Variants in OLFM3 observed in about 807,000 individuals in gnomAD.
OLFM3 encodes the protein olfactomedin 3, also known as noelin-3.
In OLFM3, 20 loss-of-function variants were observed where a neutral mutation model predicts 48.6. The ratio of observed to expected loss-of-function variants is 0.41; its 90% CI spans 0.29 to 0.60. The LOEUF (loss-of-function observed/expected upper bound fraction) is 0.60, where lower values mean the gene tolerates loss of function less well. Ranked by LOEUF, OLFM3 falls within the 20% of genes least tolerant of loss-of-function variation. OLFM3 has a pLI of 0.28. For synonymous variants in OLFM3, 222 were observed against 198.1 expected, an observed-to-expected ratio of 1.12 and a Z score of -1.01; for missense variants, 437 against 544.3, an observed-to-expected ratio of 0.80 and a Z score of 1.96.
intron 1 of OLFM3, among the ~76,000 whole-genome samples, chr1:101,847,429 C>A (rs974749826): frequency 6.6e-6 from 1 of 151,254 alleles, no homozygotes; most frequent in African/African-American, 2.4e-5. Context: ...AACTTAATAT[C>A]TACAGATTTC....
chr1:101,979,219 C>G (rs1170245577), intron 1 of OLFM3, among the ~76,000 whole-genome samples: 1 of 152,138 alleles, frequency 6.6e-6, no homozygotes, highest in Non-Finnish European at 1.5e-5. Context: ...ACAGTCCCAC[C>G]TGCTGTCTAC....
intron 1 of OLFM3, among the ~76,000 whole-genome samples, chr1:101,946,364 C>T (rs1659964777): frequency 6.6e-6 from 1 of 152,168 alleles, no homozygotes; most frequent in Non-Finnish European, 1.5e-5. Context: ...AGATATGTGA[C>T]TTGAACAACA....
chr1:101,882,338 A>G (rs1406215626), intron 1 of OLFM3, among the ~76,000 whole-genome samples: 1 of 108,060 alleles, frequency 9.3e-6, no homozygotes, highest in Non-Finnish European at 2.2e-5. Context: ...TATAATATAT[A>G]TATATATATA....
At chr1:101,828,066 G>GTCTC (rs200924384) in intron 3 of OLFM3, among the ~76,000 whole-genome samples, 23,025 of 141,944 alleles carry the variant, frequency 0.16, 2,199 homozygotes, top group East Asian at 0.32. Context: ...CTCTCTCTCT[G>GTCTC]TCTCTCTCTC....
At chr1:101,972,128 T>G (rs1234083636) in intron 1 of OLFM3, among the ~76,000 whole-genome samples, 1 of 151,944 alleles carries the variant, frequency 6.6e-6, no homozygotes, top group Admixed American at 6.6e-5. Flanking sequence ...CTTTCAAGTC[T>G]TTGATGTTTG....
rs377226365 is a variant in OLFM3 at position 101,807,114 on chromosome 1, ATTTAT to A, written c.593-937_593-933del. On this transcript the variant is annotated intron_variant, in intron 4 of 5. Coordinates refer to ENST00000370103, the MANE Select transcript of OLFM3 (RefSeq NM_058170.4). Reference sequence around the variant, plus strand: ...CTTATTATGCTTATCTTTCTTTTTTATTTATTTTAAGTTCAACTTTTATTTTAGGG... The same window carrying A: ...CTTATTATGCTTATCTTTCTTTTTTATTTAAGTTCAACTTTTATTTTAGGG... 1.6e-3 allele frequency among the ~76,000 whole-genome samples: 242 copies of A among 151,720 alleles called. 3 individuals are homozygous for A. In the South Asian group the frequency reaches 0.039, roughly 24 times the overall value.
chr1:101,811,318 A>G (rs1187201370), intron 4 of OLFM3, among the ~76,000 whole-genome samples: 1 of 151,988 alleles, frequency 6.6e-6, no homozygotes, highest in Non-Finnish European at 1.5e-5. Flanking sequence ...AACATTTTAG[A>G]TGGCCAAACT....
chr1:101,996,711 C>T (rs1661569741), intron 1 of OLFM3, 37 bp downstream of exon 1: 1 of 1,602,822 alleles, frequency 6.2e-7, no homozygotes, highest in South Asian at 1.1e-5. Context: ...ACATATTGCA[C>T]ATTTATTTCA....
intron 4 of OLFM3, among the ~76,000 whole-genome samples, chr1:101,810,047 T>A (rs1348207592): frequency 6.6e-6 from 1 of 151,920 alleles, no homozygotes; most frequent in East Asian, 1.9e-4. Flanking sequence ...GTCCACGTTG[T>A]TAGAGAATTA....
At chr1:101,847,053 G>A (rs1656031690) in intron 1 of OLFM3, 1 of 1,521,994 alleles carries the variant, frequency 6.6e-7, no homozygotes, top group South Asian at 1.3e-5. Flanking sequence ...TGACTGCAGC[G>A]CGCCACATCT....
chr1:101,878,011 C>G (rs1657370638), intron 1 of OLFM3, among the ~76,000 whole-genome samples: 1 of 151,672 alleles, frequency 6.6e-6, no homozygotes, highest in African/African-American at 2.4e-5. Flanking sequence ...GAAAGGACCT[C>G]AGGAGCATAC....
intron 1 of OLFM3, among the ~76,000 whole-genome samples, chr1:101,953,312 T>C (rs1241580624): frequency 6.6e-6 from 1 of 152,154 alleles, no homozygotes; most frequent in Non-Finnish European, 1.5e-5. Context: ...CCACCTGTTT[T>C]TGTAAATAAA....
intron 2 of OLFM3, among the ~76,000 whole-genome samples, chr1:101,833,643 G>A (rs1334876636): frequency 6.6e-6 from 1 of 151,808 alleles, no homozygotes; most frequent in Non-Finnish European, 1.5e-5. Flanking sequence ...ATTTATTCTG[G>A]TTCTTTGTAT....
intron 1 of OLFM3, among the ~76,000 whole-genome samples, chr1:101,884,611 C>G (rs1657671885): frequency 6.6e-6 from 1 of 151,918 alleles, no homozygotes; most frequent in Non-Finnish European, 1.5e-5. Flanking sequence ...ATATTTTGTG[C>G]AAATGCAGTC....
chr1:101,808,310 G>T (rs1247609442), intron 4 of OLFM3, among the ~76,000 whole-genome samples: 1 of 151,846 alleles, frequency 6.6e-6, no homozygotes, highest in East Asian at 1.9e-4. Context: ...AGAGCCATTA[G>T]TGAAGAAGTT....
chr1:101,924,554 A>C (rs1428262967), intron 1 of OLFM3, among the ~76,000 whole-genome samples: 1 of 152,154 alleles, frequency 6.6e-6, no homozygotes, highest in African/African-American at 2.4e-5. Context: ...GTATATTTTT[A>C]CAAAGGATGT....
intron 1 of OLFM3, among the ~76,000 whole-genome samples, chr1:101,986,215 C>T (rs1443462508): frequency 6.6e-6 from 1 of 152,096 alleles, no homozygotes; most frequent in African/African-American, 2.4e-5. Context: ...CCGCCCGCCT[C>T]GGCCTCCCAA....
chr1:101,940,543 G>C (rs11582272), intron 1 of OLFM3, among the ~76,000 whole-genome samples: 10,568 of 150,914 alleles, frequency 0.07, 432 homozygotes, highest in South Asian at 0.14. Flanking sequence ...ATCTATCTAT[G>C]TATCTATCTA....
intron 1 of OLFM3, among the ~76,000 whole-genome samples, chr1:101,857,215 T>C (rs551674446): frequency 2.6e-5 from 4 of 151,964 alleles, no homozygotes; most frequent in Non-Finnish European, 5.9e-5. Flanking sequence ...ACCTAGAACA[T>C]AATATAGGGC....
Sources: allele counts gnomAD v4.1 joint callset (sites outside exome capture counted in the v4.1 genomes callset), GRCh38; gene constraint gnomAD v4.1.1; transcripts MANE v1.5; gene names NCBI Gene and HGNC (gene_info 2026-07-23, HGNC 2026-07-21).